Variants in AFF1 observed in about 807,000 individuals in gnomAD.
AFF1 encodes the protein AF4/FMR2 family member 1.
Under a neutral mutation model 121.7 loss-of-function variants are expected in AFF1, and 48 were observed. The observed-to-expected ratio is 0.39, with a 90% CI of 0.31 to 0.50. The LOEUF is 0.50. Ranked by LOEUF, AFF1 falls within the 20% of genes least tolerant of loss-of-function variation. The pLI is 0.76. For synonymous variants in AFF1, 613 were observed against 563.0 expected (o/e 1.09, Z -1.26); for missense variants, 1,523 against 1,511.7 (o/e 1.01, Z -0.12).
intron 2 of AFF1, among the ~76,000 whole-genome samples, chr4:86,969,879 C>CAAAAAAAAAAAAAAAAAAGAAAAAA (rs1722819639): frequency 1.6e-5 from 1 of 63,610 alleles, no homozygotes; most frequent in Admixed American, 2.1e-4. Flanking sequence ...GACTCCGTCT[C>CAAAAAAAAAAAAAAAAAAGAAAAAA]AAAAAAAAAA....
At chr4:86,955,814 T>C (rs1297304756) in intron 2 of AFF1, among the ~76,000 whole-genome samples, 3 of 152,132 alleles carry the variant, frequency 2.0e-5, no homozygotes, top group Non-Finnish European at 4.4e-5. Context: ...ATTTGAGGGA[T>C]TGGATTTTGT....
chr4:87,096,834 G>C (rs1015572455), intron 8 of AFF1, among the ~76,000 whole-genome samples: 1 of 152,050 alleles, frequency 6.6e-6, no homozygotes. Context: ...TCTTAAAACT[G>C]CTGGGCTCAA....
intron 2 of AFF1, among the ~76,000 whole-genome samples, chr4:87,030,835 C>T (rs924851587): frequency 6.6e-6 from 1 of 152,092 alleles, no homozygotes; most frequent in African/African-American, 2.4e-5. Flanking sequence ...CTGAGTGACT[C>T]GCATTCCCAA....
chr4:87,080,179 G>A (rs922902244), intron 4 of AFF1, among the ~76,000 whole-genome samples: 5 of 152,116 alleles, frequency 3.3e-5, no homozygotes, highest in South Asian at 2.1e-4. Flanking sequence ...GGGAGAGCTC[G>A]TGCCCTCTAG....
intron 2 of AFF1, among the ~76,000 whole-genome samples, chr4:87,043,019 A>G (rs1290421898): frequency 1.3e-5 from 2 of 152,230 alleles, no homozygotes; most frequent in Non-Finnish European, 2.9e-5. Context: ...GAGAAAATTG[A>G]GGACTCTGAG....
intron 8 of AFF1, among the ~76,000 whole-genome samples, chr4:87,100,820 G>C (rs1030844673): frequency 1.3e-5 from 2 of 152,120 alleles, no homozygotes; most frequent in African/African-American, 4.8e-5. Context: ...CTTTTACCTT[G>C]TCATACTTAC....
chr4:87,044,328 T>A (rs1730457221), intron 2 of AFF1, among the ~76,000 whole-genome samples: 1 of 152,228 alleles, frequency 6.6e-6, no homozygotes. Context: ...TGGCTGTTTT[T>A]TAATCTAAAA....
chr4:87,118,768 G>C (rs1727370287), intron 12 of AFF1, among the ~76,000 whole-genome samples: 3 of 152,186 alleles, frequency 2.0e-5, no homozygotes, highest in African/African-American at 7.2e-5. Flanking sequence ...CTGGTTGAGG[G>C]TAGTTGTCTA....
rs755474146 is a variant in AFF1, at chr4:87,126,298, G to C, written c.2773G>C (p.Val925Leu). Residue 925 changes from valine to leucine, a missense_variant, in exon 14 of 21, where the codon GTA becomes CTA. Val to Leu is a conservative substitution (Grantham distance 32). Around this residue, in one of 5 missense-constraint regions of AFF1, gnomAD observed 905 missense variants for 842.5 expected, o/e 1.07. Coordinates refer to ENST00000395146, the MANE Select transcript of AFF1 (RefSeq NM_001166693.3). Reference sequence around the variant, plus strand: ...CTCTTCCATTCCCAAGCAGAGAAGAGTAGAGGGGAAGGGCTCCAGAAGCTC... The same window carrying C: ...CTCTTCCATTCCCAAGCAGAGAAGACTAGAGGGGAAGGGCTCCAGAAGCTC... The part of the protein sequence containing the change: ...KDSSIPKQRR[V>L]EGKGSRSSSE... The C allele has an allele frequency of 4.7e-5, 76 of 1,613,954 alleles. 1 individual carries two copies. Among genetic ancestry groups the C allele is most frequent in the Middle Eastern group, 3.3e-4 (2 of 6,084 alleles).
At chr4:87,032,832 G>C (rs1262490152) in intron 2 of AFF1, among the ~76,000 whole-genome samples, 1 of 152,084 alleles carries the variant, frequency 6.6e-6, no homozygotes, top group Admixed American at 6.6e-5. Context: ...GTGTTGATGG[G>C]TTCCTGTGTA....
chr4:86,946,529 A>G (rs1720876812), intron 1 of AFF1, among the ~76,000 whole-genome samples: 1 of 140,878 alleles, frequency 7.1e-6, no homozygotes, highest in Non-Finnish European at 1.5e-5. Flanking sequence ...GTAGCTGGGA[A>G]CACAGGCATG....
At chr4:87,049,629 C>T (rs1560575224) in intron 4 of AFF1, 1 of 455,984 alleles carries the variant, frequency 2.2e-6, no homozygotes, top group Non-Finnish European at 4.4e-6. Flanking sequence ...TAGAAGTAAA[C>T]CTTTCATCTG....
chr4:87,063,491 G>A (rs960217590), intron 4 of AFF1, among the ~76,000 whole-genome samples: 2 of 151,896 alleles, frequency 1.3e-5, no homozygotes, highest in South Asian at 2.1e-4. Flanking sequence ...CGCCCACCTC[G>A]GCCTCCCAAA....
In AFF1 at chr4:87,140,651, A is replaced by G. The variant is rs1404504411; in HGVS notation, c.*4950A>G. 1 of 189,308 alleles carries G rather than the reference A, an allele frequency of 5.3e-6. No individual in the cohort carries two copies. Among genetic ancestry groups the G allele is most frequent in the Non-Finnish European group, 1.1e-5 (1 of 89,844 alleles). 11.7% of individuals were successfully genotyped at this position (189,308 alleles called of 1,614,324 possible). A position where few individuals can be genotyped will look rare whatever the true frequency, so the allele number is the denominator to read the frequency against. ...ATTACTGTGGAATAACGTGCCAGCT[A>G]TCATCAACACAATGATTTTGTACAT... On this transcript the variant is annotated 3_prime_UTR_variant, in exon 21 of 21. Transcript: ENST00000395146.
At chr4:87,100,823 A>G (rs1432834897) in intron 8 of AFF1, among the ~76,000 whole-genome samples, 2 of 152,218 alleles carry the variant, frequency 1.3e-5, no homozygotes, top group Non-Finnish European at 2.9e-5. Context: ...TTACCTTGTC[A>G]TACTTACTGA....
chr4:87,095,931 G>GCTC (rs1724790866), intron 8 of AFF1, among the ~76,000 whole-genome samples: 1 of 150,144 alleles, frequency 6.7e-6, no homozygotes, highest in African/African-American at 2.5e-5. Context: ...AGGAGTTTAA[G>GCTC]CTCCAACTTT....
At chr4:86,951,623 C>CT (rs1285365564) in intron 2 of AFF1, among the ~76,000 whole-genome samples, 102 of 69,448 alleles carry the variant, frequency 1.5e-3, no homozygotes, top group East Asian at 0.014. Context: ...TTCTTTTTTT[C>CT]TTTTTTTTTT....
At chr4:87,049,644 C>T (rs1299312364) in intron 4 of AFF1, 2 of 456,254 alleles carry the variant, frequency 4.4e-6, no homozygotes, top group South Asian at 3.1e-5. Flanking sequence ...CATCTGCAGC[C>T]TCTGTTCACA....
At chr4:87,045,698 T>C (rs1730617251) in intron 2 of AFF1, among the ~76,000 whole-genome samples, 2 of 152,194 alleles carry the variant, frequency 1.3e-5, no homozygotes, top group Admixed American at 6.5e-5. Context: ...CTTTTAATTA[T>C]GAAATAAGCC....
Sources: gnomAD v4.1 joint callset for allele counts (sites outside exome capture counted in the v4.1 genomes callset) on GRCh38, gnomAD v4.1.1 for gene constraint, gnomAD v4.1.1 regional missense constraint, MANE v1.5 for transcripts, NCBI Gene and HGNC (gene_info 2026-07-23, HGNC 2026-07-21) for gene names.